The following FMN2 variants were observed in gnomAD, a reference collection of about 807,000 sequenced individuals.
FMN2 encodes formin 2.
In FMN2, 51 loss-of-function variants were observed where a neutral mutation model predicts 142.3. That is an observed-to-expected ratio of 0.36 (90% CI 0.29 to 0.45). The LOEUF (loss-of-function observed/expected upper bound fraction) is 0.45. Among genes scored for constraint, FMN2 ranks in the 20% least tolerant of loss-of-function variants. FMN2 has a pLI of 1.00. For synonymous variants in FMN2, 882 were observed against 869.8 expected, an observed-to-expected ratio of 1.01 and a Z score of -0.25; for missense variants, 1,936 against 2,122.8, an observed-to-expected ratio of 0.91 and a Z score of 1.73.
At chr1:240,213,903 G>T (rs1666787382) in intron 6 of FMN2, among the ~76,000 whole-genome samples, 1 of 152,214 alleles carries the variant, frequency 6.6e-6, no homozygotes. Flanking sequence ...AGATTCCTCA[G>T]CTGGGCACAT....
chr1:240,206,907 G>T lies in FMN2; in HGVS notation c.2095G>T (p.Ala699Ser), dbSNP rs1317122866. The stretch of plus-strand genomic sequence containing the variant: ...AGCTGAACTAGAGAGGCAGTATCCT[G>T]CCCTGGACACAGAGGTGGCCAGTGG... ...KIAELERQYP[A>S]LDTEVASGHQ... The change falls in exon 5 of 18, where the codon GCC (alanine) becomes TCC (serine). Residue 699 changes from alanine (A) to serine (S), a missense_variant. By Grantham distance (99) the Ala-to-Ser change is moderately conservative. Around this residue, in one of 8 missense-constraint regions of FMN2, gnomAD observed 478 missense variants for 462.8 expected, o/e 1.03. Transcript: ENST00000319653. The T allele has an allele frequency of 6.2e-7, 1 of 1,614,182 alleles. No individual in the cohort carries two copies. The highest frequency in any genetic ancestry group is 8.5e-7 in the Non-Finnish European group (1 of 1,180,040).
At chr1:240,251,566 G>A (rs1668279894) in intron 6 of FMN2, among the ~76,000 whole-genome samples, 1 of 152,164 alleles carries the variant, frequency 6.6e-6, no homozygotes, top group African/African-American at 2.4e-5. Flanking sequence ...GCAATGTTCT[G>A]TAAATGTCTG....
chr1:240,322,673 T>G (rs935696784), intron 8 of FMN2, among the ~76,000 whole-genome samples: 46 of 152,090 alleles, frequency 3.0e-4, no homozygotes, highest in African/African-American at 1.1e-3. Context: ...TGACTGAGCA[T>G]GTATACGTAA....
chr1:240,280,856 A>G (rs554103704), intron 7 of FMN2, among the ~76,000 whole-genome samples: 32 of 152,226 alleles, frequency 2.1e-4, no homozygotes, highest in African/African-American at 7.7e-4. Flanking sequence ...ATAAGCGCCG[A>G]GTCGTACCCA....
rs202124831 is a variant in FMN2 at position 240,453,501 on chromosome 1, GCTGA to G, written c.5060+15294_5060+15297del. ...ACACAGTGCCTAGTTCATCACAGGT[GCTGA>G]CTATTAAAATTAGTACCAATGGTGT... is the stretch of plus-strand genomic sequence containing the variant. On this transcript the variant is annotated intron_variant, in intron 16 of 17. Transcript: ENST00000319653. 6.4e-3 allele frequency among the ~76,000 whole-genome samples: 970 copies of G among 152,262 alleles called. 40 individuals carry two copies. The highest frequency in any genetic ancestry group is 0.057 in the Admixed American group (869 of 15,280).
At chr1:240,362,827 C>T (rs1466501900) in intron 14 of FMN2, among the ~76,000 whole-genome samples, 2 of 152,120 alleles carry the variant, frequency 1.3e-5, no homozygotes, top group African/African-American at 4.8e-5. Context: ...TACATAAAGT[C>T]CCTACCATGA....
chr1:240,116,020 C>T (rs1453539328), intron 1 of FMN2, among the ~76,000 whole-genome samples: 5 of 152,300 alleles, frequency 3.3e-5, no homozygotes, highest in Admixed American at 6.5e-5. Flanking sequence ...ACTGTCCTGG[C>T]GCTGGCGGGT....
chr1:240,359,123 T>G (rs1429738508), intron 14 of FMN2, among the ~76,000 whole-genome samples: 7 of 152,160 alleles, frequency 4.6e-5, no homozygotes, highest in Admixed American at 4.6e-4. Flanking sequence ...AGACTCTGTC[T>G]CAAAAATTTA....
intron 14 of FMN2, among the ~76,000 whole-genome samples, chr1:240,363,885 C>A (rs57244764): frequency 3.9e-5 from 6 of 152,216 alleles, no homozygotes. Context: ...CTGGCTCAGG[C>A]TGCAGGAGCA....
chr1:240,240,210 G>T lies in FMN2; in HGVS notation c.4066-17735G>T, dbSNP rs560129521. On this transcript the variant is annotated intron_variant, in intron 6 of 17. Transcript: ENST00000319653. ...GTAGTGTGGAATAGTGGTCAAGGGG[G>T]TAGAGCCTGGAACCAGACTGCCTGG... 3.2e-4 allele frequency among the ~76,000 whole-genome samples: 49 copies of T among 152,238 alleles called. No homozygotes were observed. The South Asian group carries it at 1.0e-2, about 31-fold the overall frequency.
intron 8 of FMN2, among the ~76,000 whole-genome samples, chr1:240,316,081 T>C (rs1670771289): frequency 1.3e-5 from 2 of 152,218 alleles, no homozygotes; most frequent in South Asian, 4.1e-4. Flanking sequence ...CCAGGCACTG[T>C]TCTAGGTGTT....
At chr1:240,404,548 T>G (rs2103114940) in intron 15 of FMN2, among the ~76,000 whole-genome samples, 1 of 152,370 alleles carries the variant, frequency 6.6e-6, no homozygotes, top group Admixed American at 6.5e-5. Context: ...TTTGGATTTC[T>G]TAGTTAACTA....
At chr1:240,448,900 T>TG (rs958243785) in intron 16 of FMN2, among the ~76,000 whole-genome samples, 2 of 152,058 alleles carry the variant, frequency 1.3e-5, no homozygotes, top group African/African-American at 4.8e-5. Flanking sequence ...CCCAGTACTT[T>TG]GGGGGGCCAA....
intron 2 of FMN2, among the ~76,000 whole-genome samples, chr1:240,172,616 G>C (rs1338297071): frequency 6.6e-6 from 1 of 152,130 alleles, no homozygotes. Context: ...CTGATTTACT[G>C]ATGAGAATAT....
intron 2 of FMN2, chr1:240,170,709 T>C: frequency 1.9e-6 from 3 of 1,554,142 alleles, no homozygotes; most frequent in Non-Finnish European, 1.8e-6. Flanking sequence ...CAGCTGGTTA[T>C]GGTGCTGCTG....
intron 15 of FMN2, among the ~76,000 whole-genome samples, chr1:240,435,998 G>T (rs1675354257): frequency 6.6e-6 from 1 of 152,138 alleles, no homozygotes; most frequent in African/African-American, 2.4e-5. Flanking sequence ...GGTATATAAG[G>T]AAAATGACCA....
chr1:240,246,894 G>T (rs61829170), intron 6 of FMN2, among the ~76,000 whole-genome samples: 2 of 152,018 alleles, frequency 1.3e-5, no homozygotes, highest in African/African-American at 4.8e-5. Flanking sequence ...CATTTTCTGC[G>T]TTTTGCCTCA....
intron 2 of FMN2, among the ~76,000 whole-genome samples, chr1:240,150,467 G>A (rs976259866): frequency 2.6e-5 from 4 of 152,148 alleles, no homozygotes; most frequent in Non-Finnish European, 4.4e-5. Context: ...GAAAAACAGG[G>A]AAGGCATATC....
At chr1:240,266,223 C>T (rs1231320968) in intron 7 of FMN2, among the ~76,000 whole-genome samples, 1 of 151,650 alleles carries the variant, frequency 6.6e-6, no homozygotes, top group Non-Finnish European at 1.5e-5. Context: ...TCTATTGTTG[C>T]CATCTTTATG....
Sources: allele counts gnomAD v4.1 joint callset (sites outside exome capture counted in the v4.1 genomes callset), GRCh38; gene constraint gnomAD v4.1.1; regional missense constraint gnomAD v4.1.1; transcripts MANE v1.5; gene names NCBI Gene and HGNC (gene_info 2026-07-23, HGNC 2026-07-21).